FAM227A: variants seen among roughly 807,000 people sequenced by gnomAD.
FAM227A encodes the protein family with sequence similarity 227 member A, also known as protein FAM227A.
Under a neutral mutation model 74.7 loss-of-function variants are expected in FAM227A, and 80 were observed. That is an observed-to-expected ratio of 1.07 (90% confidence interval 0.89 to 1.29). FAM227A has a LOEUF of 1.29. FAM227A is among the 50% of genes most tolerant of loss of function. The pLI is 0.00. For missense variants in FAM227A, 654 were observed against 683.4 expected (o/e 0.96, Z 0.48); for synonymous variants, 237 against 241.8 (o/e 0.98, Z 0.19).
intron 11 of FAM227A, among the ~76,000 whole-genome samples, chr22:38,614,761 A>T (rs187003732): frequency 1.3e-5 from 2 of 152,336 alleles, no homozygotes; most frequent in Non-Finnish European, 2.9e-5. Flanking sequence ...AATAACTGTC[A>T]GAAGAGTTTA....
At position 38,633,854 on chromosome 22, in the gene FAM227A, C is replaced by T. The variant is rs1467277623; in HGVS notation, c.519+2597G>A. Among the ~76,000 whole-genome samples, 5 of 152,206 alleles carry T rather than the reference C, an allele frequency of 3.3e-5. No homozygotes were observed. The South Asian group carries it at 8.3e-4, about 25-fold the overall frequency. Reference sequence around the variant, plus strand: ...TGTGCCCGGCCTATCATCTTATAACCTTGTAACTCAGAGACCAGTGGTAAT... The same window carrying T: ...TGTGCCCGGCCTATCATCTTATAACTTTGTAACTCAGAGACCAGTGGTAAT... On this transcript the variant is annotated intron_variant, in intron 6 of 16. Transcript: ENST00000535113.
At position 38,638,757 on chromosome 22, in the gene FAM227A, C is replaced by A; in HGVS notation, c.361G>T (p.Val121Phe). Residue 121 changes from valine (V) to phenylalanine (F), a missense_variant, in exon 5 of 17, where the codon GTT (valine) becomes TTT (phenylalanine). By Grantham distance (50) the Val-to-Phe change is conservative (BLOSUM62 -1). Coordinates refer to ENST00000535113, the MANE Select transcript of FAM227A (RefSeq NM_001013647.2). ...AGTAGATCCCTTACCCTTTTTATAACAGAAGATCTGGCATGTCTGAGTTCG... is the reference window on the plus strand; with the variant it reads ...AGTAGATCCCTTACCCTTTTTATAAAAGAAGATCTGGCATGTCTGAGTTCG... Reference protein sequence around the residue: ...GSELRHARSSVIKRKTADKNL... With the variant: ...GSELRHARSSFIKRKTADKNL... The A allele has an allele frequency of 6.5e-7, 1 of 1,549,750 alleles. No homozygotes were observed. Among genetic ancestry groups the A allele is most frequent in the Non-Finnish European group, 8.7e-7 (1 of 1,145,734 alleles).
In FAM227A at chr22:38,636,493, C is replaced by T. The variant is rs758611508; in HGVS notation, c.477G>A (p.Val159=). The T allele has an allele frequency of 5.8e-6, 9 of 1,551,586 alleles. No individual in the cohort carries two copies. Among genetic ancestry groups the T allele is most frequent in the Non-Finnish European group, 7.8e-6 (9 of 1,146,924 alleles). ...LPNGVDFCDM[V]GNVVRAERDC... ...CTCTCTCAGCCCGGACCACGTTGCCCACCATGTCACAGAAGTCCACGCCAT... is the reference window on the plus strand; with the variant it reads ...CTCTCTCAGCCCGGACCACGTTGCCTACCATGTCACAGAAGTCCACGCCAT... The change falls in exon 6 of 17, where the codon GTG becomes GTA. Residue 159 remains valine, a synonymous_variant. Transcript: ENST00000535113.
rs2090778499 is a variant in FAM227A, at chr22:38,585,105, T to C, written c.*1020A>G. On this transcript the variant is annotated 3_prime_UTR_variant, in exon 17 of 17. Transcript: ENST00000535113. Reference sequence around the variant, plus strand: ...CCACCACGCCTGGCCTAATTTAAAATTTTTTAATTAAAAAAATTAATTTAC... The same window carrying C: ...CCACCACGCCTGGCCTAATTTAAAACTTTTTAATTAAAAAAATTAATTTAC... 6.6e-6 allele frequency: 1 copy of C among 152,270 alleles called. No individual in the cohort carries two copies. Among genetic ancestry groups the C allele is most frequent in the African/African-American group, 2.4e-5 (1 of 41,560 alleles). 9.4% of individuals were successfully genotyped at this position (152,270 alleles called of 1,614,324 possible).
intron 11 of FAM227A, among the ~76,000 whole-genome samples, chr22:38,615,948 G>A (rs373498535): frequency 5.7e-4 from 87 of 152,210 alleles, no homozygotes; most frequent in African/African-American, 2.0e-3. Flanking sequence ...GTGTGGCTGA[G>A]AAGGCTGGTG....
In FAM227A at chr22:38,628,247, C is replaced by A. The variant is rs766619514; in HGVS notation, c.717G>T (p.Ala239=). ...AGTGGCTGATGCTCACTTTTAAGAG[C>A]GCCTCTTCAGAGTGGGACTTGGGTA... ...FRVPKSHSEE[A]LLKRLPSLLS... The change falls in exon 8 of 17, where the codon GCG becomes GCT. Residue 239 remains alanine, a synonymous_variant. Coordinates refer to ENST00000535113, the MANE Select transcript of FAM227A (RefSeq NM_001013647.2). 2.6e-6 allele frequency: 4 copies of A among 1,541,454 alleles called. No homozygotes were observed. The East Asian group carries it at 9.8e-5, about 38-fold the overall frequency.
In FAM227A at chr22:38,586,181, C is replaced by A; in HGVS notation, c.1657G>T (p.Gly553Ter). 6.4e-7 allele frequency: 1 copy of A among 1,551,708 alleles called. No individual in the cohort carries two copies. The highest frequency in any genetic ancestry group is 8.7e-7 in the Non-Finnish European group (1 of 1,146,996). The change falls in exon 17 of 17, where the codon GGA (glycine) becomes TGA (stop). Residue 553 changes from glycine to a stop codon, truncating the protein, a stop_gained. Transcript: ENST00000535113. LOFTEE classifies it low-confidence loss of function (END_TRUNC). ...KKTKEGKGGE[G>*]KRRETEVEHF... ...TCAACTTCTGTTTCTCTTCTCTTTCCCTCTCCTCCTTTCCCCTCCTGTGGG... is the reference window on the plus strand; with the variant it reads ...TCAACTTCTGTTTCTCTTCTCTTTCACTCTCCTCCTTTCCCCTCCTGTGGG...
chr22:38,632,910 C>T (rs1375031038), intron 6 of FAM227A, among the ~76,000 whole-genome samples: 2 of 152,196 alleles, frequency 1.3e-5, no homozygotes, highest in Non-Finnish European at 2.9e-5. Flanking sequence ...ACCCAGGCCA[C>T]AGCTGGATGA....
At chr22:38,628,748 C>T in intron 7 of FAM227A, 86 bp downstream of exon 7, 1 of 840,490 alleles carries the variant, frequency 1.2e-6, no homozygotes, top group Non-Finnish European at 1.9e-6. Flanking sequence ...ATCAGAGGGG[C>T]TTGTAGCTCA....
In FAM227A at chr22:38,651,472, G is replaced by C. The variant is rs1489305341; in HGVS notation, c.-94-1210C>G. On this transcript the variant is annotated intron_variant, in intron 1 of 16. Transcript: ENST00000535113. ...CACTCACTGCAGCCTTGACATCCTG[G>C]ATTCAAGCCTCCCGTGTAGCTGCGA... is the stretch of plus-strand genomic sequence containing the variant. Among the ~76,000 whole-genome samples the C allele has an allele frequency of 2.0e-5, 3 of 151,976 alleles. No homozygotes were observed. In the East Asian group the frequency reaches 5.8e-4, roughly 29 times the overall value.
intron 10 of FAM227A, among the ~76,000 whole-genome samples, chr22:38,622,812 G>A (rs1428134559): frequency 6.8e-6 from 1 of 146,440 alleles, no homozygotes; most frequent in Admixed American, 7.0e-5. Flanking sequence ...GGAGGTGGAG[G>A]TTGCAGTAAG....
At chr22:38,639,614 C>T (rs151075624) in intron 4 of FAM227A, 41 bp downstream of exon 4, 34 of 1,543,736 alleles carry the variant, frequency 2.2e-5, no homozygotes, top group Non-Finnish European at 3.0e-5. Context: ...AAAAAACAAA[C>T]CCCATGAAAA....
chr22:38,590,867 C>G (rs1478947577), intron 16 of FAM227A, among the ~76,000 whole-genome samples: 1 of 152,180 alleles, frequency 6.6e-6, no homozygotes, highest in Non-Finnish European at 1.5e-5. Context: ...TCACTGCAAC[C>G]TCCAGCTCCC....
rs914540120 is a variant in FAM227A, at chr22:38,584,391, G to C, written c.*1734C>G. On this transcript the variant is annotated 3_prime_UTR_variant, in exon 17 of 17. Transcript: ENST00000535113. ...GTTAACTGAGATAATGTCTAAACCA[G>C]ACTTAGCAGAGCACTCAGCACATAC... The C allele has an allele frequency of 3.3e-5, 5 of 152,110 alleles. No individual in the cohort carries two copies. The highest frequency in any genetic ancestry group is 2.1e-4 in the South Asian group (1 of 4,824). 9.4% of individuals were successfully genotyped at this position (152,110 alleles called of 1,614,324 possible).
At position 38,585,874 on chromosome 22, in the gene FAM227A, C is replaced by T. The variant is rs1230448718; in HGVS notation, c.*251G>A. On this transcript the variant is annotated 3_prime_UTR_variant, in exon 17 of 17. Coordinates refer to ENST00000535113, the MANE Select transcript of FAM227A (RefSeq NM_001013647.2). The stretch of plus-strand genomic sequence containing the variant: ...TGAGGTCATATTTGTAACATACTTA[C>T]CAGCATGCACGTAATAAAATACTGA... 2.5e-6 allele frequency: 2 copies of T among 792,688 alleles called. No individual in the cohort carries two copies. Among genetic ancestry groups the T allele is most frequent in the Non-Finnish European group, 3.8e-6 (2 of 522,346 alleles). 49.1% of individuals were successfully genotyped at this position (792,688 alleles called of 1,614,324 possible). A position where few individuals can be genotyped will look rare whatever the true frequency, so the allele number is the denominator to read the frequency against.
In FAM227A at chr22:38,583,573, A is replaced by G. The variant is rs1187188048; in HGVS notation, c.*2552T>C. 1 of 152,540 alleles carries G rather than the reference A, an allele frequency of 6.6e-6. No individual in the cohort carries two copies. The highest frequency in any genetic ancestry group is 1.5e-5 in the Non-Finnish European group (1 of 68,348). The allele number at this position is 152,540 out of a possible 1,614,324, so 9.4% of individuals were successfully genotyped here. A position where few individuals can be genotyped will look rare whatever the true frequency, so the allele number is the denominator to read the frequency against. On this transcript the variant is annotated 3_prime_UTR_variant, in exon 17 of 17. Transcript: ENST00000535113. ...CCAAGAACTTTGCACAAATTATCTC[A>G]TCTAATCCTCACAACAACCCTCCTA...
intron 13 of FAM227A, among the ~76,000 whole-genome samples, chr22:38,604,984 T>C (rs944618858): frequency 2.0e-5 from 3 of 152,156 alleles, no homozygotes. Flanking sequence ...TTCATTTTTT[T>C]ACTTTTAGTA....
At chr22:38,590,853 C>T (rs576445083) in intron 16 of FAM227A, among the ~76,000 whole-genome samples, 9 of 152,014 alleles carry the variant, frequency 5.9e-5, no homozygotes, top group Non-Finnish European at 1.0e-4. Flanking sequence ...GGCGTGATCT[C>T]GGCTCACTGC....
Position 38,597,337 on chromosome 22 carries a change from T to C in FAM227A, c.1399A>G (p.Thr467Ala), listed in dbSNP as rs2091068872. 6.4e-7 allele frequency: 1 copy of C among 1,551,784 alleles called. No individual in the cohort carries two copies. The highest frequency in any genetic ancestry group is 8.7e-7 in the Non-Finnish European group (1 of 1,147,018). Residue 467 changes from threonine to alanine, a missense_variant, in exon 15 of 17, where the codon ACT becomes GCT. By Grantham distance (58) the Thr-to-Ala change is moderately conservative. Transcript: ENST00000535113. ...TSTPDCTPTY[T>A]DVISETLCSM... ...CACAGGGTCTCGCTGATGACATCAG[T>C]ATACGTTGGGGTGCAGTCAGTGGCT...
Sources: gnomAD v4.1 joint callset for allele counts (sites outside exome capture counted in the v4.1 genomes callset) on GRCh38, gnomAD v4.1.1 for gene constraint, MANE v1.5 for transcripts, NCBI Gene and HGNC (gene_info 2026-07-23, HGNC 2026-07-21) for gene names.